Variants in PTPRN2 observed in about 807,000 individuals in gnomAD.
PTPRN2 encodes protein tyrosine phosphatase receptor type N2.
Under a neutral mutation model 118.8 loss-of-function variants are expected in PTPRN2, and 74 were observed. That is an observed-to-expected ratio of 0.62 (90% CI 0.52 to 0.76). The LOEUF is 0.76. PTPRN2 is among the 30% of genes least tolerant of loss of function. The pLI, the probability that PTPRN2 is intolerant of heterozygous loss-of-function variation, is 0.00. For synonymous variants in PTPRN2, 641 were observed against 608.0 expected, an observed-to-expected ratio of 1.05 and a Z score of -0.80; for missense variants, 1,481 against 1,394.4, an observed-to-expected ratio of 1.06 and a Z score of -0.99.
intron 10 of PTPRN2, among the ~76,000 whole-genome samples, chr7:158,092,687 C>G (rs1175255892): frequency 6.6e-6 from 1 of 152,100 alleles, no homozygotes; most frequent in Non-Finnish European, 1.5e-5. Context: ...AATTATCAAA[C>G]AAAATCATAA....
At chr7:158,359,599 A>C (rs1808682771) in intron 2 of PTPRN2, among the ~76,000 whole-genome samples, 1 of 152,210 alleles carries the variant, frequency 6.6e-6, no homozygotes, top group Admixed American at 6.5e-5. Flanking sequence ...AAGATTAAAC[A>C]TAATAATAAT....
At chr7:158,534,930 G>A (rs1042080169) in intron 1 of PTPRN2, among the ~76,000 whole-genome samples, 18 of 152,282 alleles carry the variant, frequency 1.2e-4, no homozygotes, top group South Asian at 4.1e-4. Flanking sequence ...GTCCTGCCTC[G>A]AGCCTCGTCA....
intron 1 of PTPRN2, among the ~76,000 whole-genome samples, chr7:158,538,423 T>A (rs1409325542): frequency 6.6e-6 from 1 of 152,220 alleles, no homozygotes; most frequent in Non-Finnish European, 1.5e-5. Context: ...AGCGTGTGTC[T>A]ACTTGCTGCT....
At chr7:157,586,384 C>G (rs899360480) in intron 17 of PTPRN2, among the ~76,000 whole-genome samples, 2 of 152,176 alleles carry the variant, frequency 1.3e-5, no homozygotes, top group Non-Finnish European at 2.9e-5. Flanking sequence ...CAGTCACTGT[C>G]CAGGGGGTGG....
chr7:158,331,406 G>T (rs1804411930), intron 2 of PTPRN2, among the ~76,000 whole-genome samples: 1 of 144,654 alleles, frequency 6.9e-6, no homozygotes, highest in African/African-American at 2.7e-5. Flanking sequence ...CTCACCATAA[G>T]AGCTGAGGCC....
intron 11 of PTPRN2, among the ~76,000 whole-genome samples, chr7:158,071,318 A>AGTGGAGGTGCCCATGGTG (rs1563390468): frequency 3.7e-4 from 9 of 24,076 alleles, no homozygotes; most frequent in African/African-American, 1.2e-3. Context: ...TGCCCATGGT[A>AGTGGAGGTGCCCATGGTG]GTGGAGGTGC....
At chr7:157,630,649 C>T (rs897434694) in intron 14 of PTPRN2, among the ~76,000 whole-genome samples, 1 of 152,124 alleles carries the variant, frequency 6.6e-6, no homozygotes, top group African/African-American at 2.4e-5. Flanking sequence ...AGGCACAGGC[C>T]CATGGCAGCC....
At chr7:157,642,445 C>T (rs561048370) in intron 14 of PTPRN2, among the ~76,000 whole-genome samples, 17 of 152,352 alleles carry the variant, frequency 1.1e-4, no homozygotes, top group African/African-American at 3.8e-4. Flanking sequence ...TCCTCTGATG[C>T]TGTCTATAAA....
intron 21 of PTPRN2, among the ~76,000 whole-genome samples, chr7:157,564,788 T>C (rs942526050): frequency 6.6e-6 from 1 of 152,212 alleles, no homozygotes; most frequent in East Asian, 1.9e-4. Context: ...GATAAGAGAA[T>C]TACGGTCGAT....
At chr7:158,340,345 T>A (rs1225550475) in intron 2 of PTPRN2, among the ~76,000 whole-genome samples, 4 of 98,624 alleles carry the variant, frequency 4.1e-5, no homozygotes, top group African/African-American at 1.5e-4. Context: ...ACTGTCACCA[T>A]AAGAGCTGAG....
intron 2 of PTPRN2, among the ~76,000 whole-genome samples, chr7:158,348,032 C>A (rs921603341): frequency 8.5e-5 from 13 of 152,116 alleles, no homozygotes; most frequent in Non-Finnish European, 1.5e-5. Flanking sequence ...TCATTCCCTG[C>A]CCAGTCACTG....
intron 3 of PTPRN2, among the ~76,000 whole-genome samples, chr7:158,299,694 G>A (rs980607908): frequency 1.1e-4 from 16 of 152,180 alleles, no homozygotes; most frequent in African/African-American, 3.9e-4. Context: ...ACAGTTTTCA[G>A]CAGACATGGA....
chr7:157,846,724 TAC>T (rs1298601638), intron 12 of PTPRN2, among the ~76,000 whole-genome samples: 1 of 149,238 alleles, frequency 6.7e-6, no homozygotes, highest in Non-Finnish European at 1.5e-5. Flanking sequence ...GCCCGATATC[TAC>T]AGAGCCCTCT....
intron 2 of PTPRN2, among the ~76,000 whole-genome samples, chr7:158,374,216 C>T (rs2151325723): frequency 6.6e-6 from 1 of 152,298 alleles, no homozygotes; most frequent in East Asian, 1.9e-4. Context: ...AGGGGAAGAG[C>T]TGGGTCTCAA....
intron 11 of PTPRN2, among the ~76,000 whole-genome samples, chr7:158,077,043 A>C (rs1812415517): frequency 6.6e-6 from 1 of 152,244 alleles, no homozygotes; most frequent in Non-Finnish European, 1.5e-5. Context: ...TACGCTTTTC[A>C]AAATAAGCAC....
intron 2 of PTPRN2, among the ~76,000 whole-genome samples, chr7:158,320,890 C>T (rs1372472917): frequency 2.0e-5 from 3 of 152,070 alleles, no homozygotes; most frequent in South Asian, 2.1e-4. Flanking sequence ...AATATGGATA[C>T]GTGCCTAGCA....
At position 158,015,469 on chromosome 7, in the gene PTPRN2, GAGGA is replaced by G. The variant is rs1806379421; in HGVS notation, c.1723+65825_1723+65828del. Reference sequence around the variant, plus strand: ...GGAGGGGTGGTGAGAGAGAGAGAGAGAGGAAGAGAGGGAGAGAGGGAGAGAGGGA... The same window carrying G: ...GGAGGGGTGGTGAGAGAGAGAGAGAGAGAGAGGGAGAGAGGGAGAGAGGGA... On this transcript the variant is annotated intron_variant, in intron 11 of 22. Transcript: ENST00000389418. The surrounding 1 kb of genome is among the most constrained non-coding windows in gnomAD (Gnocchi z 4.2). 6.6e-6 allele frequency among the ~76,000 whole-genome samples: 1 copy of G among 151,032 alleles called. No homozygotes were observed. The highest frequency in any genetic ancestry group is 2.4e-5 in the African/African-American group (1 of 40,980).
intron 12 of PTPRN2, among the ~76,000 whole-genome samples, chr7:157,890,299 A>G (rs930031708): frequency 6.6e-6 from 1 of 152,184 alleles, no homozygotes; most frequent in Admixed American, 6.5e-5. Context: ...GTCTTTATTT[A>G]TAAAACCAAA....
chr7:158,156,202 T>G lies in PTPRN2; in HGVS notation c.910+10729A>C, dbSNP rs74677185. ...ATTTTGCACTCACAGGGCTCAGCAT[T>G]CACCCAGTCTGACACTTTCTCTATT... On this transcript the variant is annotated intron_variant, in intron 6 of 22. Coordinates refer to ENST00000389418, the MANE Select transcript of PTPRN2 (RefSeq NM_002847.5). Among the ~76,000 whole-genome samples, 817 of 152,254 alleles carry G rather than the reference T, an allele frequency of 5.4e-3. 4 individuals are homozygous for G. The highest frequency in any genetic ancestry group is 0.019 in the African/African-American group (785 of 41,546).
Sources: allele counts gnomAD v4.1 joint callset (sites outside exome capture counted in the v4.1 genomes callset), GRCh38; gene constraint gnomAD v4.1.1; non-coding constraint Gnocchi (gnomAD v3.1); transcripts MANE v1.5; gene names NCBI Gene and HGNC (gene_info 2026-07-23, HGNC 2026-07-21).